The following PLEKHA2 variants were observed in gnomAD, a reference collection of about 807,000 sequenced individuals.
The protein encoded by PLEKHA2 is pleckstrin homology domain containing A2.
A neutral mutation model predicts 53.2 loss-of-function variants in PLEKHA2; 28 were observed. That is an observed-to-expected ratio of 0.53 (90% CI 0.39 to 0.72). PLEKHA2 has a LOEUF of 0.72. Ranked by LOEUF, PLEKHA2 falls within the 30% of genes least tolerant of loss-of-function variation. The pLI is 0.00. For synonymous variants in PLEKHA2, 193 were observed against 196.4 expected, an observed-to-expected ratio of 0.98 and a Z score of 0.14; for missense variants, 426 against 537.9, an observed-to-expected ratio of 0.79 and a Z score of 2.06.
At chr8:38,923,599 A>G (rs1834231910) in intron 2 of PLEKHA2, among the ~76,000 whole-genome samples, 1 of 152,210 alleles carries the variant, frequency 6.6e-6, no homozygotes, top group African/African-American at 2.4e-5. Context: ...CATATTTACT[A>G]AATTTGTTCA....
At chr8:38,928,350 G>A (rs190153244) in intron 2 of PLEKHA2, among the ~76,000 whole-genome samples, 24 of 148,104 alleles carry the variant, frequency 1.6e-4, no homozygotes, top group African/African-American at 5.5e-4. Flanking sequence ...CTGGGTTCAA[G>A]CGATTCTCCT....
chr8:38,919,049 G>C (rs1051090293), intron 2 of PLEKHA2, among the ~76,000 whole-genome samples: 1 of 152,150 alleles, frequency 6.6e-6, no homozygotes, highest in Non-Finnish European at 1.5e-5. Flanking sequence ...CAGAGAATGT[G>C]ACCTGGTTCC....
At chr8:38,949,803 T>C (rs765560518) in intron 5 of PLEKHA2, among the ~76,000 whole-genome samples, 3 of 152,250 alleles carry the variant, frequency 2.0e-5, no homozygotes, top group Non-Finnish European at 2.9e-5. Context: ...ATGGTTATGA[T>C]AAATATTATT....
chr8:38,907,660 C>T (rs1242266874), intron 1 of PLEKHA2, among the ~76,000 whole-genome samples: 4 of 151,288 alleles, frequency 2.6e-5, no homozygotes, highest in African/African-American at 9.7e-5. Context: ...ACTCAGGAGG[C>T]TGAGGTGGGA....
chr8:38,966,035 TC>T (rs1486120976), intron 10 of PLEKHA2, among the ~76,000 whole-genome samples: 2 of 152,090 alleles, frequency 1.3e-5, no homozygotes, highest in Non-Finnish European at 2.9e-5. Context: ...CACCAGATTG[TC>T]AAATAACTGG....
intron 2 of PLEKHA2, among the ~76,000 whole-genome samples, chr8:38,926,370 ATTAAAAAGTAC>A (rs1311740037): frequency 2.0e-5 from 3 of 149,630 alleles, no homozygotes; most frequent in African/African-American, 7.4e-5. Flanking sequence ...TAAAAATATT[ATTAAAAAGTAC>A]TTTTTTTTTT....
chr8:38,927,667 A>C lies in PLEKHA2; in HGVS notation c.142-8327A>C, dbSNP rs549059492. Among the ~76,000 whole-genome samples the C allele has an allele frequency of 2.6e-5, 4 of 152,336 alleles. 1 individual carries two copies. The East Asian group carries it at 7.7e-4, about 29-fold the overall frequency. ...ACAGGACAACATGATGAATATATTC[A>C]TTAAGGAAACATCCATTTTTTGAGC... On this transcript the variant is annotated intron_variant, in intron 2 of 11. Coordinates refer to ENST00000617275, the MANE Select transcript of PLEKHA2 (RefSeq NM_021623.2).
intron 10 of PLEKHA2, among the ~76,000 whole-genome samples, chr8:38,960,069 C>T (rs934877064): frequency 2.6e-5 from 4 of 152,170 alleles, no homozygotes; most frequent in African/African-American, 4.8e-5. Context: ...TTGGGAAACA[C>T]GAAACCCAAC....
At chr8:38,934,404 G>A (rs957619023) in intron 2 of PLEKHA2, among the ~76,000 whole-genome samples, 7 of 152,042 alleles carry the variant, frequency 4.6e-5, no homozygotes, top group Non-Finnish European at 7.4e-5. Context: ...TGCTTTGAGA[G>A]GACCCCAGGT....
intron 10 of PLEKHA2, among the ~76,000 whole-genome samples, chr8:38,960,649 T>C (rs907565809): frequency 6.6e-6 from 1 of 152,266 alleles, no homozygotes; most frequent in African/African-American, 2.4e-5. Flanking sequence ...TTCTCCTATC[T>C]GCTTCTGCAT....
At chr8:38,915,339 C>T (rs1391251590) in intron 1 of PLEKHA2, among the ~76,000 whole-genome samples, 1 of 152,184 alleles carries the variant, frequency 6.6e-6, no homozygotes, top group Admixed American at 6.5e-5. Context: ...CAGTTTGGAT[C>T]GCTTAAACGG....
chr8:38,928,416 T>C (rs758687008), intron 2 of PLEKHA2, among the ~76,000 whole-genome samples: 1 of 151,960 alleles, frequency 6.6e-6, no homozygotes, highest in African/African-American at 2.4e-5. Flanking sequence ...ACCCAGCTAA[T>C]GTTTGTATTT....
intron 2 of PLEKHA2, 142 bp from the exon 3 acceptor site, chr8:38,935,852 T>C: frequency 1.4e-6 from 1 of 704,344 alleles, no homozygotes; most frequent in Non-Finnish European, 2.5e-6. Context: ...GTTTCACAGG[T>C]GAGGAATGCA....
chr8:38,952,253 C>G lies in PLEKHA2; in HGVS notation c.574C>G (p.Arg192Gly), dbSNP rs764860738. The change falls in exon 7 of 12, where the codon CGT becomes GGT. Residue 192 changes from arginine to glycine, a missense_variant. Physicochemically the swap from Arg to Gly is moderately radical, Grantham distance 125 (BLOSUM62 -2). Transcript: ENST00000617275. ...GAGTTACATCCCCACGTCAGGCTGC[C>G]GTGCTTCCACTGGGCCTCCCCTCAT... is the stretch of plus-strand genomic sequence containing the variant. ...SQSYIPTSGC[R>G]ASTGPPLIKS... 189 of 1,612,496 alleles carry G rather than the reference C, an allele frequency of 1.2e-4. No homozygotes were observed. The highest frequency in any genetic ancestry group is 1.5e-4 in the Non-Finnish European group (173 of 1,179,476).
rs913678704 is a variant in PLEKHA2, at chr8:38,972,091, G to C, written c.*2308G>C. On this transcript the variant is annotated 3_prime_UTR_variant, in exon 12 of 12. Transcript: ENST00000617275. Reference sequence around the variant, plus strand: ...ATCCATATGGTATTATCCTGATAAAGGGAAACGAGGACACTAAGACTGTCA... The same window carrying C: ...ATCCATATGGTATTATCCTGATAAACGGAAACGAGGACACTAAGACTGTCA... The C allele has an allele frequency of 6.6e-6, 1 of 152,142 alleles. No individual in the cohort carries two copies. Among genetic ancestry groups the C allele is most frequent in the African/African-American group, 2.4e-5 (1 of 41,434 alleles). The allele number at this position is 152,142 out of a possible 1,614,324, so 9.4% of individuals were successfully genotyped here. A position where few individuals can be genotyped will look rare whatever the true frequency, so the allele number is the denominator to read the frequency against.
intron 1 of PLEKHA2, among the ~76,000 whole-genome samples, chr8:38,911,748 G>A (rs1056082779): frequency 3.9e-5 from 6 of 152,222 alleles, no homozygotes; most frequent in Admixed American, 2.0e-4. Flanking sequence ...GCTTGAGGCA[G>A]GAGGATTGCC....
intron 2 of PLEKHA2, 128 bp downstream of exon 2, chr8:38,918,198 C>A (rs1834096371): frequency 8.2e-7 from 1 of 1,219,956 alleles, no homozygotes; most frequent in Non-Finnish European, 1.1e-6. Context: ...AGGGAGGGGA[C>A]AACCCTACAA....
intron 2 of PLEKHA2, among the ~76,000 whole-genome samples, chr8:38,930,630 G>A (rs1834374351): frequency 6.7e-6 from 1 of 148,934 alleles, no homozygotes. Flanking sequence ...CGCTGCCAGC[G>A]AGGCACGGCA....
In PLEKHA2 at chr8:38,924,480, G is replaced by A. The variant is rs193249467; in HGVS notation, c.141+6410G>A. ...AGGCCAGACAAGGGTGTGAACTCAG[G>A]TGGAGGTCTGAGCAAGGGATGGTTT... is the stretch of plus-strand genomic sequence containing the variant. On this transcript the variant is annotated intron_variant, in intron 2 of 11. Coordinates refer to ENST00000617275, the MANE Select transcript of PLEKHA2 (RefSeq NM_021623.2). Among the ~76,000 whole-genome samples, 49 of 152,330 alleles carry A rather than the reference G, an allele frequency of 3.2e-4. No individual in the cohort carries two copies. In the East Asian group the frequency reaches 8.1e-3, roughly 25 times the overall value.
Sources: gnomAD v4.1 joint callset for allele counts (sites outside exome capture counted in the v4.1 genomes callset) on GRCh38, gnomAD v4.1.1 for gene constraint, MANE v1.5 for transcripts, NCBI Gene and HGNC (gene_info 2026-07-23, HGNC 2026-07-21) for gene names.